Variants in PRSS12 observed in about 807,000 individuals in gnomAD.
The protein encoded by PRSS12 is serine protease 12.
In PRSS12, 85 loss-of-function variants were observed where a neutral mutation model predicts 104.4. That is an observed-to-expected ratio of 0.81 (90% CI 0.68 to 0.98). The LOEUF (loss-of-function observed/expected upper bound fraction) is 0.98, where lower values mean the gene tolerates loss of function less well. Among genes scored for constraint, PRSS12 ranks in the 50% least tolerant of loss-of-function variants. The probability of loss-of-function intolerance (pLI) is 0.00; values close to 1 mark genes in which losing one functional copy is unlikely to be tolerated. For synonymous variants in PRSS12, 454 were observed against 425.2 expected (o/e 1.07, Z -0.83); for missense variants, 1,141 against 1,139.2 (o/e 1.00, Z -0.02).
intron 9 of PRSS12, among the ~76,000 whole-genome samples, chr4:118,298,198 T>A (rs1743299541): frequency 6.6e-6 from 1 of 151,960 alleles, no homozygotes; most frequent in South Asian, 2.1e-4. Context: ...TCTATTCATT[T>A]AAAGTATGAA....
intron 11 of PRSS12, among the ~76,000 whole-genome samples, chr4:118,288,447 T>C (rs1743058506): frequency 6.6e-6 from 1 of 152,200 alleles, no homozygotes; most frequent in African/African-American, 2.4e-5. Flanking sequence ...GTAAGTCCCA[T>C]TACCTCTGTG....
In PRSS12 at chr4:118,352,588, A is replaced by G. The variant is rs1560791725; in HGVS notation, c.133T>C (p.Tyr45His). The G allele has an allele frequency of 1.0e-5, 16 of 1,600,124 alleles. No homozygotes were observed. The highest frequency in any genetic ancestry group is 1.4e-5 in the Non-Finnish European group (16 of 1,173,732). ...HSPPAGPHYP[Y>H]YLPTQQRPPR... is the part of the protein sequence containing the mutation. ...GGCCGCTGCTGGGTGGGAAGGTAAT[A>G]GGGGTAGTGCGGACCCGCAGGGGGC... The change falls in exon 1 of 13, where the codon TAT (tyrosine) becomes CAT (histidine). Residue 45 changes from tyrosine to histidine, a missense_variant. By Grantham distance (83) the Tyr-to-His change is moderately conservative. Transcript: ENST00000296498.
chr4:118,309,347 T>C (rs1743645325), intron 7 of PRSS12, among the ~76,000 whole-genome samples: 1 of 152,170 alleles, frequency 6.6e-6, no homozygotes, highest in Admixed American at 6.6e-5. Context: ...GTGAGGTCAT[T>C]AGGGTGAGCC....
intron 9 of PRSS12, among the ~76,000 whole-genome samples, chr4:118,297,925 G>A (rs191213711): frequency 1.3e-5 from 2 of 152,024 alleles, no homozygotes; most frequent in African/African-American, 4.8e-5. Context: ...ATCATCTGAG[G>A]TCAGGAGTTC....
chr4:118,320,381 A>G (rs369773676), intron 4 of PRSS12, among the ~76,000 whole-genome samples: 1 of 152,184 alleles, frequency 6.6e-6, no homozygotes, highest in African/African-American at 2.4e-5. Context: ...CACTATTTCT[A>G]CTAGATAACA....
chr4:118,335,788 CA>C, intron 2 of PRSS12, 137 bp from the exon 3 acceptor site: 1 of 821,630 alleles, frequency 1.2e-6, no homozygotes, highest in Non-Finnish European at 2.0e-6. Flanking sequence ...AAGAAAAACA[CA>C]AAAGACTACA....
chr4:118,343,219 T>C (rs1431392253), intron 1 of PRSS12, among the ~76,000 whole-genome samples: 2 of 151,320 alleles, frequency 1.3e-5, no homozygotes, highest in Non-Finnish European at 1.5e-5. Flanking sequence ...TGAGACACTG[T>C]CTTTACAAAA....
intron 1 of PRSS12, among the ~76,000 whole-genome samples, chr4:118,346,555 T>C (rs1213401209): frequency 6.6e-6 from 1 of 152,022 alleles, no homozygotes; most frequent in Non-Finnish European, 1.5e-5. Flanking sequence ...TATTACTGGA[T>C]ATTTCATTTT....
intron 5 of PRSS12, among the ~76,000 whole-genome samples, 169 bp downstream of exon 5, chr4:118,318,209 A>T (rs553708201): frequency 3.1e-4 from 47 of 152,322 alleles, no homozygotes; most frequent in African/African-American, 1.0e-3. Flanking sequence ...AACTATGAAT[A>T]AAAAGATGGT....
intron 9 of PRSS12, among the ~76,000 whole-genome samples, chr4:118,297,238 A>G (rs971596457): frequency 6.6e-6 from 1 of 152,176 alleles, no homozygotes; most frequent in Non-Finnish European, 1.5e-5. Context: ...TTTTTACTTG[A>G]AGTATGGTAG....
intron 6 of PRSS12, 102 bp from the exon 7 acceptor site, chr4:118,313,499 A>C: frequency 8.1e-7 from 1 of 1,236,714 alleles, no homozygotes; most frequent in Non-Finnish European, 1.2e-6. Context: ...ACATGACTTC[A>C]GAGGATAAGT....
intron 2 of PRSS12, among the ~76,000 whole-genome samples, chr4:118,337,092 C>T (rs1301148473): frequency 1.3e-5 from 2 of 152,264 alleles, no homozygotes; most frequent in Middle Eastern, 3.4e-3. Flanking sequence ...AAAATTTAGG[C>T]CTTCAAGCTT....
chr4:118,302,025 A>G (rs886861088), intron 8 of PRSS12, among the ~76,000 whole-genome samples: 1 of 152,214 alleles, frequency 6.6e-6, no homozygotes, highest in Non-Finnish European at 1.5e-5. Context: ...GTGATATAAA[A>G]TTAAAGCAGT....
intron 1 of PRSS12, among the ~76,000 whole-genome samples, chr4:118,347,062 T>C (rs1724375161): frequency 6.6e-6 from 1 of 151,656 alleles, no homozygotes. Context: ...TAACGGGATA[T>C]CTTATTGTCT....
Position 118,331,878 on chromosome 4 carries a change from G to A in PRSS12, c.821-12C>T. The A allele has an allele frequency of 6.2e-7, 1 of 1,613,666 alleles. No individual in the cohort carries two copies. Among genetic ancestry groups the A allele is most frequent in the African/African-American group, 1.3e-5 (1 of 75,010 alleles). On this transcript the variant is annotated splice_polypyrimidine_tract_variant and intron_variant, in intron 3 of 12. Transcript: ENST00000296498. ...GGGGAACGTTGGGCCTGTGCAATGT[G>A]AAGTTAAAAATAAGCAAAACCTATG...
chr4:118,325,053 C>T (rs1386480631), intron 4 of PRSS12, among the ~76,000 whole-genome samples: 1 of 152,026 alleles, frequency 6.6e-6, no homozygotes, highest in East Asian at 1.9e-4. Flanking sequence ...ATACACATGC[C>T]AATATCTCTT....
intron 9 of PRSS12, 86 bp from the exon 10 acceptor site, chr4:118,295,942 C>T: frequency 8.3e-7 from 1 of 1,210,446 alleles, no homozygotes; most frequent in Non-Finnish European, 1.2e-6. Flanking sequence ...CTGATGCTTC[C>T]TCCTCTATGT....
At chr4:118,286,358 G>A (rs141187067) in intron 11 of PRSS12, among the ~76,000 whole-genome samples, 29 of 152,210 alleles carry the variant, frequency 1.9e-4, no homozygotes, top group African/African-American at 6.5e-4. Flanking sequence ...ACAAACCCAC[G>A]TCATTATCCA....
intron 11 of PRSS12, among the ~76,000 whole-genome samples, chr4:118,285,660 T>C (rs1211663579): frequency 2.0e-5 from 3 of 151,814 alleles, no homozygotes; most frequent in African/African-American, 7.3e-5. Flanking sequence ...GAATACTTAG[T>C]ATGAAAAAAA....
Sources: allele counts gnomAD v4.1 joint callset (sites outside exome capture counted in the v4.1 genomes callset), GRCh38; gene constraint gnomAD v4.1.1; transcripts MANE v1.5; gene names NCBI Gene and HGNC (gene_info 2026-07-23, HGNC 2026-07-21).